The following AGBL1 variants were observed in gnomAD, a reference collection of about 807,000 sequenced individuals.
AGBL1 encodes AGBL carboxypeptidase 1, also known as cytosolic carboxypeptidase 4.
Under a neutral mutation model 118.9 loss-of-function variants are expected in AGBL1, and 130 were observed. The observed-to-expected ratio is 1.09, with a 90% CI of 0.95 to 1.26. The LOEUF (loss-of-function observed/expected upper bound fraction) is 1.26. Among genes scored for constraint, AGBL1 ranks in the 50% most tolerant of loss-of-function variants. AGBL1 has a pLI of 0.00. For missense variants in AGBL1, 1,584 were observed against 1,298.1 expected (o/e 1.22, Z -3.38); for synonymous variants, 555 against 478.9 (o/e 1.16, Z -2.08).
intron 17 of AGBL1, among the ~76,000 whole-genome samples, chr15:86,319,513 T>C (rs1212360355): frequency 6.6e-6 from 1 of 152,136 alleles, no homozygotes; most frequent in Non-Finnish European, 1.5e-5. Context: ...TTGGTTTGTC[T>C]TTCTCTCACA....
intron 17 of AGBL1, among the ~76,000 whole-genome samples, chr15:86,386,948 G>T (rs1242665276): frequency 6.6e-6 from 1 of 152,142 alleles, no homozygotes; most frequent in Non-Finnish European, 1.5e-5. Flanking sequence ...ACATAACTGG[G>T]CATGGAGGAG....
At chr15:86,494,285 C>T (rs2142147910) in intron 18 of AGBL1, among the ~76,000 whole-genome samples, 1 of 152,158 alleles carries the variant, frequency 6.6e-6, no homozygotes, top group Non-Finnish European at 1.5e-5. Flanking sequence ...AGACAAGTTT[C>T]ATTTGACATG....
rs1157433971 is a variant in AGBL1 at position 86,615,481 on chromosome 15, A to T, written c.2995-58792A>T. Reference sequence around the variant, plus strand: ...GGCTTTAACTAAAATAGGCAACACAAATTGCAGGAACAGATGTAGAGGAAA... The same window carrying T: ...GGCTTTAACTAAAATAGGCAACACATATTGCAGGAACAGATGTAGAGGAAA... On this transcript the variant is annotated intron_variant, in intron 21 of 22. Transcript: ENST00000614907. The surrounding 1 kb of genome is among the most constrained non-coding windows in gnomAD (Gnocchi z 4.3). Among the ~76,000 whole-genome samples the T allele has an allele frequency of 6.6e-6, 1 of 152,192 alleles. No individual in the cohort carries two copies. Among genetic ancestry groups the T allele is most frequent in the East Asian group, 1.9e-4 (1 of 5,194 alleles).
At chr15:86,741,438 A>T (rs1329673231) in intron 22 of AGBL1, among the ~76,000 whole-genome samples, 2 of 146,896 alleles carry the variant, frequency 1.4e-5, no homozygotes, top group Non-Finnish European at 3.0e-5. Flanking sequence ...AACCAGATGA[A>T]GCATGGCTTT....
chr15:86,871,460 G>A (rs918602587), intron 22 of AGBL1, among the ~76,000 whole-genome samples: 3 of 152,100 alleles, frequency 2.0e-5, no homozygotes, highest in African/African-American at 4.8e-5. Context: ...TAAACACACA[G>A]AATCCCCTTC....
chr15:86,603,052 A>G (rs892561235), intron 21 of AGBL1, among the ~76,000 whole-genome samples: 2 of 152,216 alleles, frequency 1.3e-5, no homozygotes, highest in African/African-American at 4.8e-5. Flanking sequence ...GAAGAAAGCA[A>G]TGATAGGATA....
chr15:86,788,116 C>T (rs1378811466), intron 22 of AGBL1, among the ~76,000 whole-genome samples: 1 of 152,114 alleles, frequency 6.6e-6, no homozygotes, highest in Non-Finnish European at 1.5e-5. Flanking sequence ...GGGAAAAGAA[C>T]AGGATCTAGA....
chr15:86,802,217 TTTAGACTTTATA>T (rs1320302986), intron 22 of AGBL1, among the ~76,000 whole-genome samples: 7 of 152,286 alleles, frequency 4.6e-5, no homozygotes, highest in South Asian at 4.1e-4. Flanking sequence ...ATTATATTTT[TTTAGACTTTATA>T]TTATTATTCC....
chr15:86,756,538 G>A (rs1456761403), intron 22 of AGBL1, among the ~76,000 whole-genome samples: 1 of 152,068 alleles, frequency 6.6e-6, no homozygotes, highest in Non-Finnish European at 1.5e-5. Flanking sequence ...GGGCAGGTGT[G>A]GAAAGAATTT....
At chr15:86,583,582 G>A (rs2084204518) in intron 21 of AGBL1, among the ~76,000 whole-genome samples, 1 of 152,104 alleles carries the variant, frequency 6.6e-6, no homozygotes. Context: ...GTCCACTGCT[G>A]ATGGGCGCTT....
rs1160852921 is a variant in AGBL1 at position 86,902,894 on chromosome 15, G to T, written c.3159-4193G>T. Among the ~76,000 whole-genome samples the T allele has an allele frequency of 2.6e-5, 4 of 152,108 alleles. No individual in the cohort carries two copies. The East Asian group carries it at 7.7e-4, about 29-fold the overall frequency. On this transcript the variant is annotated intron_variant, in intron 22 of 22. Transcript: ENST00000614907. ...CATCTGTCTTTGCCTTGATTTCTTT[G>T]GCTTTATCTGTTTGGGGGTTTTTCT...
chr15:86,365,575 T>C (rs1171587772), intron 17 of AGBL1, among the ~76,000 whole-genome samples: 2 of 152,222 alleles, frequency 1.3e-5, no homozygotes, highest in Non-Finnish European at 2.9e-5. Context: ...ATGTGAAACC[T>C]ATTCTTACAT....
intron 1 of AGBL1, among the ~76,000 whole-genome samples, chr15:86,128,330 T>G (rs2076774804): frequency 6.6e-6 from 1 of 152,024 alleles, no homozygotes; most frequent in Non-Finnish European, 1.5e-5. Context: ...AAGAACAGTA[T>G]GGGGGAAACC....
At chr15:86,590,548 G>A (rs751247826) in intron 21 of AGBL1, among the ~76,000 whole-genome samples, 2 of 152,038 alleles carry the variant, frequency 1.3e-5, no homozygotes, top group Admixed American at 6.6e-5. Context: ...TAAATTACCC[G>A]GTCTCTGGTA....
In AGBL1 at chr15:86,615,737, G is replaced by A. The variant is rs574399223; in HGVS notation, c.2995-58536G>A. On this transcript the variant is annotated intron_variant, in intron 21 of 22. Coordinates refer to ENST00000614907, the MANE Select transcript of AGBL1 (RefSeq NM_001386094.1). The surrounding 1 kb of genome is among the most constrained non-coding windows in gnomAD (Gnocchi z 4.3). ...TACTCAAAGCCACAGAGTTAGAAAT[G>A]TGAGTTTTATATTGTGGACAGAGGT... Among the ~76,000 whole-genome samples, 3 of 152,288 alleles carry A rather than the reference G, an allele frequency of 2.0e-5. No individual in the cohort carries two copies. The highest frequency in any genetic ancestry group is 3.9e-4 in the East Asian group (2 of 5,184).
intron 22 of AGBL1, among the ~76,000 whole-genome samples, chr15:86,726,649 C>T (rs979872832): frequency 2.6e-5 from 4 of 152,142 alleles, no homozygotes; most frequent in Admixed American, 1.3e-4. Flanking sequence ...GCAGCCTCAA[C>T]CTCCTGGGCT....
intron 23 of AGBL1, among the ~76,000 whole-genome samples, chr15:86,945,196 A>G (rs567051535): frequency 2.1e-5 from 3 of 143,530 alleles, no homozygotes; most frequent in African/African-American, 7.7e-5. Context: ...GTGAGTTATG[A>G]TCTTACCACG....
intron 3 of AGBL1, among the ~76,000 whole-genome samples, chr15:86,149,256 G>C (rs962254115): frequency 6.6e-6 from 1 of 152,090 alleles, no homozygotes; most frequent in Non-Finnish European, 1.5e-5. Flanking sequence ...GATAACGACA[G>C]GATCAAATTT....
intron 5 of AGBL1, among the ~76,000 whole-genome samples, chr15:86,178,951 A>G (rs1354038608): frequency 6.6e-6 from 1 of 152,238 alleles, no homozygotes; most frequent in Non-Finnish European, 1.5e-5. Flanking sequence ...AGAAATTGAC[A>G]TGGGGCCAAA....
Sources: gnomAD v4.1 joint callset for allele counts (sites outside exome capture counted in the v4.1 genomes callset) on GRCh38, gnomAD v4.1.1 for gene constraint, Gnocchi (gnomAD v3.1) non-coding constraint, MANE v1.5 for transcripts, NCBI Gene and HGNC (gene_info 2026-07-23, HGNC 2026-07-21) for gene names.